The following DCC variants were observed in gnomAD, a reference collection of about 807,000 sequenced individuals.
DCC encodes DCC netrin 1 receptor, also known as netrin receptor DCC.
DCC carries 58 observed loss-of-function variants against 172.5 expected under a neutral mutation model. The ratio of observed to expected loss-of-function variants is 0.34; its 90% confidence interval spans 0.27 to 0.42. DCC has a LOEUF of 0.42. DCC is among the 10% of genes least tolerant of loss of function. The pLI, the probability that DCC is intolerant of heterozygous loss-of-function variation, is 1.00. For missense variants in DCC, 1,740 were observed against 1,791.0 expected, an observed-to-expected ratio of 0.97 and a Z score of 0.51; for synonymous variants, 709 against 644.5, an observed-to-expected ratio of 1.10 and a Z score of -1.52.
intron 9 of DCC, among the ~76,000 whole-genome samples, chr18:53,186,118 A>T (rs531570504): frequency 6.6e-6 from 1 of 152,226 alleles, no homozygotes; most frequent in Non-Finnish European, 1.5e-5. Flanking sequence ...TTGAGCACAC[A>T]GTACGATTCA....
At chr18:53,047,296 A>ATATATATATATAATTT (rs1238297401) in intron 5 of DCC, among the ~76,000 whole-genome samples, 2 of 22,790 alleles carry the variant, frequency 8.8e-5, no homozygotes, top group East Asian at 6.5e-4. Flanking sequence ...ATAATTTTAT[A>ATATATATATATAATTT]TATATATATA....
At chr18:52,973,020 T>A (rs528096155) in intron 5 of DCC, among the ~76,000 whole-genome samples, 86 of 152,140 alleles carry the variant, frequency 5.7e-4, no homozygotes, top group Non-Finnish European at 1.0e-3. Flanking sequence ...CAGGAAAGAT[T>A]CAATATTCAT....
chr18:53,405,115 C>T (rs1282334630), intron 19 of DCC, among the ~76,000 whole-genome samples: 1 of 150,738 alleles, frequency 6.6e-6, no homozygotes, highest in African/African-American at 2.4e-5. Flanking sequence ...ATTCAAAATA[C>T]TACACCACTA....
chr18:52,861,725 C>T (rs1041444961), intron 2 of DCC, among the ~76,000 whole-genome samples: 3 of 152,160 alleles, frequency 2.0e-5, no homozygotes, highest in South Asian at 2.1e-4. Flanking sequence ...ATTCTGCTTG[C>T]TGTTGGGTTA....
At chr18:53,152,951 C>G (rs908363896) in intron 7 of DCC, among the ~76,000 whole-genome samples, 23 of 152,134 alleles carry the variant, frequency 1.5e-4, no homozygotes, top group African/African-American at 5.6e-4. Flanking sequence ...GAGTCTAGAC[C>G]AGCTCTGTGA....
intron 8 of DCC, among the ~76,000 whole-genome samples, chr18:53,166,891 A>ATG (rs1315705546): frequency 1.3e-5 from 2 of 152,146 alleles, no homozygotes; most frequent in African/African-American, 2.4e-5. Flanking sequence ...GTAATAAGGA[A>ATG]TGTGACATTT....
intron 2 of DCC, among the ~76,000 whole-genome samples, chr18:52,799,254 T>G (rs2037937155): frequency 6.6e-6 from 1 of 152,222 alleles, no homozygotes; most frequent in African/African-American, 2.4e-5. Context: ...TGAAGTTGTT[T>G]ATGTTGTCCT....
chr18:52,659,003 A>G (rs1330860463), intron 1 of DCC, among the ~76,000 whole-genome samples: 1 of 152,168 alleles, frequency 6.6e-6, no homozygotes, highest in Non-Finnish European at 1.5e-5. Flanking sequence ...TTACCTTGAT[A>G]ATAATTTAAA....
At chr18:53,316,331 G>A (rs1294495487) in intron 13 of DCC, among the ~76,000 whole-genome samples, 5 of 152,136 alleles carry the variant, frequency 3.3e-5, no homozygotes, top group African/African-American at 1.2e-4. Flanking sequence ...TTTGGTACCA[G>A]TACCATGCTG....
Position 52,340,713 on chromosome 18 carries a change from CATGCGTGT to C in DCC, c.-74_-67del. Reference sequence around the variant, plus strand: ...CTCGGCGCGTGTGTGTGCATGTGTGCATGCGTGTGTGAGTGCATGTGTGTGAGTGCTGC... The same window carrying C: ...CTCGGCGCGTGTGTGTGCATGTGTGCGTGAGTGCATGTGTGTGAGTGCTGC... On this transcript the variant is annotated 5_prime_UTR_variant, in exon 1 of 29. An upstream start codon of the reference 5' UTR is lost. Coordinates refer to ENST00000442544, the MANE Select transcript of DCC (RefSeq NM_005215.4). 9.9e-7 allele frequency: 1 copy of C among 1,011,706 alleles called. No individual in the cohort carries two copies. The highest frequency in any genetic ancestry group is 2.4e-5 in the East Asian group (1 of 42,106). 62.7% of individuals were successfully genotyped at this position (1,011,706 alleles called of 1,614,324 possible).
At chr18:52,913,522 A>G (rs559882820) in intron 3 of DCC, among the ~76,000 whole-genome samples, 1 of 151,800 alleles carries the variant, frequency 6.6e-6, no homozygotes, top group South Asian at 2.1e-4. Flanking sequence ...TTTATTGTTG[A>G]CCTTGAGTGA....
chr18:53,226,427 A>T (rs2144604322), intron 12 of DCC, among the ~76,000 whole-genome samples: 1 of 152,278 alleles, frequency 6.6e-6, no homozygotes, highest in South Asian at 2.1e-4. Context: ...ACCTACATGG[A>T]AGATTCTGTA....
At chr18:53,450,433 A>G (rs912616248) in intron 22 of DCC, 67 bp from the exon 23 acceptor site, 2 of 1,575,606 alleles carry the variant, frequency 1.3e-6, no homozygotes, top group Admixed American at 3.3e-5. Context: ...GTATATCCCA[A>G]GAGAGCTTGG....
chr18:52,578,031 C>T (rs1348763435), intron 1 of DCC, among the ~76,000 whole-genome samples: 3 of 152,118 alleles, frequency 2.0e-5, no homozygotes, highest in Non-Finnish European at 4.4e-5. Flanking sequence ...ACCAAGGCAA[C>T]GAGGATTATT....
chr18:53,211,281 A>G (rs1234960600), intron 11 of DCC, among the ~76,000 whole-genome samples: 1 of 152,208 alleles, frequency 6.6e-6, no homozygotes, highest in Non-Finnish European at 1.5e-5. Context: ...TTTACAGATG[A>G]CAAAACTAAG....
chr18:53,356,882 C>T (rs1356231673), intron 15 of DCC, among the ~76,000 whole-genome samples: 1 of 152,136 alleles, frequency 6.6e-6, no homozygotes, highest in African/African-American at 2.4e-5. Context: ...TTCTGAGTTG[C>T]TCTTTTCTCT....
chr18:53,092,018 A>T (rs1427249568), intron 7 of DCC, among the ~76,000 whole-genome samples: 1 of 145,634 alleles, frequency 6.9e-6, no homozygotes, highest in South Asian at 2.1e-4. Flanking sequence ...AACCCTGTGA[A>T]CTATCTTTAT....
intron 1 of DCC, among the ~76,000 whole-genome samples, chr18:52,678,093 T>C (rs1206408961): frequency 6.6e-6 from 1 of 152,154 alleles, no homozygotes; most frequent in East Asian, 1.9e-4. Flanking sequence ...AAGCCTTGAA[T>C]GGACTGTATT....
intron 2 of DCC, among the ~76,000 whole-genome samples, chr18:52,868,047 A>ATGTG (rs2039255824): frequency 1.9e-5 from 2 of 107,988 alleles, no homozygotes; most frequent in South Asian, 5.6e-4. Flanking sequence ...ATATATATAT[A>ATGTG]TATATATGTG....
Sources: allele counts gnomAD v4.1 joint callset (sites outside exome capture counted in the v4.1 genomes callset), GRCh38; gene constraint gnomAD v4.1.1; transcripts MANE v1.5; gene names NCBI Gene and HGNC (gene_info 2026-07-23, HGNC 2026-07-21).